BRINP3: variants seen among roughly 807,000 people sequenced by gnomAD.
BRINP3 encodes BMP/retinoic acid inducible neural specific 3.
In BRINP3, 19 loss-of-function variants were observed where a neutral mutation model predicts 71.0. That is an observed-to-expected ratio of 0.27 (90% CI 0.19 to 0.39). The LOEUF (loss-of-function observed/expected upper bound fraction) is 0.39. BRINP3 is among the 10% of genes least tolerant of loss of function. The pLI is 1.00. For missense variants in BRINP3, 959 were observed against 940.8 expected (o/e 1.02, Z -0.25); for synonymous variants, 380 against 337.7 (o/e 1.13, Z -1.37).
chr1:190,422,804 T>G (rs925651911), intron 2 of BRINP3, among the ~76,000 whole-genome samples: 2 of 151,876 alleles, frequency 1.3e-5, no homozygotes, highest in African/African-American at 4.8e-5. Context: ...TGTTTTATGT[T>G]TGTAATTTAT....
At chr1:190,149,733 A>G (rs1397974529) in intron 7 of BRINP3, among the ~76,000 whole-genome samples, 1 of 151,428 alleles carries the variant, frequency 6.6e-6, no homozygotes, top group Non-Finnish European at 1.5e-5. Context: ...TTTATGGCTA[A>G]CTTTCCTGCT....
At position 190,329,445 on chromosome 1, in the gene BRINP3, CA is replaced by C. The variant is rs931645241; in HGVS notation, c.237-47696del. ...ACCATTTACAATATCTGCACACACA[CA>C]AAAAAAAAATACCTAGAAATATGTC... On this transcript the variant is annotated intron_variant, in intron 2 of 7. Transcript: ENST00000367462. Among the ~76,000 whole-genome samples, 87 of 149,474 alleles carry C rather than the reference CA, an allele frequency of 5.8e-4. 1 individual carries two copies. Among genetic ancestry groups the C allele is most frequent in the East Asian group, 1.8e-3 (9 of 5,096 alleles).
chr1:190,448,089 G>A (rs1264886134), intron 2 of BRINP3, among the ~76,000 whole-genome samples: 1 of 151,540 alleles, frequency 6.6e-6, no homozygotes, highest in Non-Finnish European at 1.5e-5. Flanking sequence ...ACTTAAATTT[G>A]AAGGAATATG....
chr1:190,444,719 A>G (rs1360974709), intron 2 of BRINP3, among the ~76,000 whole-genome samples: 1 of 152,002 alleles, frequency 6.6e-6, no homozygotes, highest in African/African-American at 2.4e-5. Context: ...TATTTGTAGC[A>G]GAGACGGGGT....
At chr1:190,205,666 C>T (rs1482248488) in intron 6 of BRINP3, among the ~76,000 whole-genome samples, 1 of 151,992 alleles carries the variant, frequency 6.6e-6, no homozygotes, top group African/African-American at 2.4e-5. Context: ...TTCATGTTTA[C>T]TATACTTCCA....
At position 190,349,093 on chromosome 1, in the gene BRINP3, ATAAAT is replaced by A. The variant is rs555645853; in HGVS notation, c.237-67348_237-67344del. Reference sequence around the variant, plus strand: ...TGTTGATCGGCCAGTGCATGGGATCATAAATTAAACAGCATAAGCAGTTCTACTAA... The same window carrying A: ...TGTTGATCGGCCAGTGCATGGGATCATAAACAGCATAAGCAGTTCTACTAA... On this transcript the variant is annotated intron_variant, in intron 2 of 7. Transcript: ENST00000367462. 2.1e-3 allele frequency among the ~76,000 whole-genome samples: 321 copies of A among 152,230 alleles called. 1 individual carries two copies. Among genetic ancestry groups the A allele is most frequent in the African/African-American group, 6.5e-3 (271 of 41,576 alleles).
intron 6 of BRINP3, among the ~76,000 whole-genome samples, chr1:190,177,033 G>A (rs1571915716): frequency 6.6e-6 from 1 of 151,710 alleles, no homozygotes; most frequent in South Asian, 2.1e-4. Context: ...AATTGCAGAT[G>A]ACTGTATTAC....
chr1:190,113,145 T>C (rs1296524075), intron 7 of BRINP3, among the ~76,000 whole-genome samples: 1 of 152,056 alleles, frequency 6.6e-6, no homozygotes, highest in Admixed American at 6.6e-5. Context: ...TTTAAGATAA[T>C]AAAAAAGCAA....
intron 1 of BRINP3, among the ~76,000 whole-genome samples, chr1:190,464,491 TTA>T (rs1242016393): frequency 6.6e-6 from 1 of 151,948 alleles, no homozygotes; most frequent in Non-Finnish European, 1.5e-5. Context: ...CTGGCAGTTA[TTA>T]TGTTTTCGTA....
At chr1:190,192,301 A>G (rs1157493255) in intron 6 of BRINP3, among the ~76,000 whole-genome samples, 4 of 152,176 alleles carry the variant, frequency 2.6e-5, no homozygotes, top group Admixed American at 2.0e-4. Context: ...TTCAAATGAT[A>G]ATTTTAGATC....
intron 2 of BRINP3, among the ~76,000 whole-genome samples, chr1:190,446,370 T>G (rs1272006311): frequency 6.6e-6 from 1 of 152,052 alleles, no homozygotes; most frequent in African/African-American, 2.4e-5. Flanking sequence ...TGTAGTGATT[T>G]ATAGTAAACC....
chr1:190,344,083 T>C (rs982792072), intron 2 of BRINP3, among the ~76,000 whole-genome samples: 4 of 151,942 alleles, frequency 2.6e-5, no homozygotes, highest in Admixed American at 6.6e-5. Flanking sequence ...AAACGAACTA[T>C]GTTTATTCAC....
At chr1:190,376,378 A>T (rs917417505) in intron 2 of BRINP3, among the ~76,000 whole-genome samples, 3 of 152,082 alleles carry the variant, frequency 2.0e-5, no homozygotes, top group Non-Finnish European at 2.9e-5. Flanking sequence ...ATTTTGATGC[A>T]GGCATAAATA....
At chr1:190,266,639 C>T (rs1661688032) in intron 3 of BRINP3, among the ~76,000 whole-genome samples, 1 of 152,136 alleles carries the variant, frequency 6.6e-6, no homozygotes, top group African/African-American at 2.4e-5. Flanking sequence ...CAATCATTCT[C>T]TCCAAGAAAA....
At chr1:190,358,191 A>G (rs1253944707) in intron 2 of BRINP3, among the ~76,000 whole-genome samples, 1 of 152,230 alleles carries the variant, frequency 6.6e-6, no homozygotes, top group Non-Finnish European at 1.5e-5. Flanking sequence ...ACTTCTGCAC[A>G]GCAAAAGAAA....
intron 2 of BRINP3, among the ~76,000 whole-genome samples, chr1:190,429,821 T>A (rs1673974577): frequency 1.3e-5 from 2 of 152,070 alleles, no homozygotes; most frequent in Admixed American, 1.3e-4. Context: ...ACTCCCGACA[T>A]CAAGTCATCT....
intron 5 of BRINP3, among the ~76,000 whole-genome samples, chr1:190,229,627 T>A (rs530793000): frequency 3.1e-4 from 35 of 112,104 alleles, no homozygotes; most frequent in East Asian, 5.5e-4. Flanking sequence ...ATACCCAGAG[T>A]AAAGAAAAAC....
chr1:190,270,403 T>A (rs767658283), intron 3 of BRINP3, among the ~76,000 whole-genome samples: 87 of 151,608 alleles, frequency 5.7e-4, no homozygotes, highest in Admixed American at 1.1e-3. Context: ...AAAAACAGAA[T>A]CCAGTGATAC....
rs3077327 is a variant in BRINP3, at chr1:190,396,713, GATATATAT to G, written c.236+57934_236+57941del. Among the ~76,000 whole-genome samples, 44 of 101,008 alleles carry G rather than the reference GATATATAT, an allele frequency of 4.4e-4. 1 individual carries two copies. The highest frequency in any genetic ancestry group is 1.8e-3 in the East Asian group (6 of 3,302). The allele number at this position is 101,008 out of a possible 152,430, so 66.3% of individuals were successfully genotyped here. On this transcript the variant is annotated intron_variant, in intron 2 of 7. Coordinates refer to ENST00000367462, the MANE Select transcript of BRINP3 (RefSeq NM_199051.3). ...ACGCACTATGCATTCCTAATTTAAT[GATATATAT>G]ATATATATATATATATATGTAACTA...
Sources: gnomAD v4.1 joint callset for allele counts (sites outside exome capture counted in the v4.1 genomes callset) on GRCh38, gnomAD v4.1.1 for gene constraint, MANE v1.5 for transcripts, NCBI Gene and HGNC (gene_info 2026-07-23, HGNC 2026-07-21) for gene names.